CDKAL1: variants seen among roughly 807,000 people sequenced by gnomAD.
CDKAL1 encodes the protein CDKAL1 threonylcarbamoyladenosine tRNA methylthiotransferase.
Under a neutral mutation model 68.2 loss-of-function variants are expected in CDKAL1, and 32 were observed. The observed-to-expected ratio is 0.47, with a 90% CI of 0.35 to 0.63. The LOEUF (loss-of-function observed/expected upper bound fraction) is 0.63, where lower values mean the gene tolerates loss of function less well. Among genes scored for constraint, CDKAL1 ranks in the 30% least tolerant of loss-of-function variants. The pLI is 0.00. For synonymous variants in CDKAL1, 234 were observed against 244.3 expected (o/e 0.96, Z 0.39); for missense variants, 606 against 696.7 (o/e 0.87, Z 1.47).
chr6:20,992,031 C>CTTTTTTTTTTTTTTTTTTT (rs71530401), intron 10 of CDKAL1, among the ~76,000 whole-genome samples: 26 of 100,476 alleles, frequency 2.6e-4, no homozygotes, highest in Middle Eastern at 6.6e-3. Context: ...TTTTTCTTTT[C>CTTTTTTTTTTTTTTTTTTT]TTTTTTTTTT....
chr6:20,928,208 A>C (rs181522836), intron 9 of CDKAL1, among the ~76,000 whole-genome samples: 1 of 152,294 alleles, frequency 6.6e-6, no homozygotes, highest in East Asian at 1.9e-4. Context: ...GTATCATGGA[A>C]GGGGGAAGGT....
At chr6:20,612,594 T>C (rs1270604660) in intron 4 of CDKAL1, among the ~76,000 whole-genome samples, 1 of 152,058 alleles carries the variant, frequency 6.6e-6, no homozygotes, top group Non-Finnish European at 1.5e-5. Flanking sequence ...TGTTTCTTAA[T>C]TAGATTTTTT....
At chr6:21,180,211 C>T (rs946014901) in intron 13 of CDKAL1, among the ~76,000 whole-genome samples, 3 of 152,100 alleles carry the variant, frequency 2.0e-5, no homozygotes, top group Non-Finnish European at 4.4e-5. Flanking sequence ...TATGGTAATG[C>T]TTGTGTTCAT....
chr6:20,752,267 A>C (rs2150340853), intron 6 of CDKAL1, among the ~76,000 whole-genome samples: 2 of 151,544 alleles, frequency 1.3e-5, no homozygotes, highest in East Asian at 3.9e-4. Flanking sequence ...CAGTTTTGGC[A>C]GATCTTTCTT....
intron 4 of CDKAL1, among the ~76,000 whole-genome samples, chr6:20,594,069 A>G (rs188110027): frequency 2.6e-5 from 4 of 152,268 alleles, no homozygotes; most frequent in African/African-American, 9.6e-5. Flanking sequence ...GTTCTTTTGC[A>G]TTTGCTGAGG....
intron 12 of CDKAL1, among the ~76,000 whole-genome samples, chr6:21,079,976 C>CTCTGTGTGTGTG (rs1554171489): frequency 3.8e-4 from 52 of 135,840 alleles, no homozygotes; most frequent in African/African-American, 6.4e-4. Context: ...AACTTTGTCT[C>CTCTGTGTGTGTG]TGTGTGTGTG....
chr6:20,909,616 G>A (rs1174059620), intron 9 of CDKAL1, among the ~76,000 whole-genome samples: 1 of 152,034 alleles, frequency 6.6e-6, no homozygotes, highest in Non-Finnish European at 1.5e-5. Flanking sequence ...TATTTTTTCA[G>A]CGTTGGAAAC....
intron 9 of CDKAL1, among the ~76,000 whole-genome samples, chr6:20,854,821 A>T (rs1271417272): frequency 2.6e-5 from 4 of 152,230 alleles, no homozygotes; most frequent in Admixed American, 6.5e-5. Context: ...GTTTACAAAC[A>T]TGCAGTTAAG....
chr6:21,028,952 C>T (rs1769108726), intron 11 of CDKAL1, among the ~76,000 whole-genome samples: 1 of 152,128 alleles, frequency 6.6e-6, no homozygotes, highest in African/African-American at 2.4e-5. Context: ...TTCAAAGTCA[C>T]CAGGCATTAA....
At chr6:20,746,311 A>G (rs1052092432) in intron 6 of CDKAL1, among the ~76,000 whole-genome samples, 21 of 152,208 alleles carry the variant, frequency 1.4e-4, no homozygotes, top group African/African-American at 4.3e-4. Flanking sequence ...TGAAAGGGCT[A>G]TTTCTACCTT....
At chr6:21,113,571 C>G (rs1426401442) in intron 13 of CDKAL1, among the ~76,000 whole-genome samples, 1 of 152,070 alleles carries the variant, frequency 6.6e-6, no homozygotes, top group Admixed American at 6.6e-5. Flanking sequence ...GGCTTGATCT[C>G]AGCTCACCGC....
chr6:20,841,330 C>A (rs190772831), intron 8 of CDKAL1, among the ~76,000 whole-genome samples: 133 of 151,984 alleles, frequency 8.8e-4, no homozygotes, highest in Non-Finnish European at 1.6e-3. Flanking sequence ...CATTAGTCAC[C>A]TTTTTTCCCC....
At position 20,780,664 on chromosome 6, in the gene CDKAL1, CTTTTTCTTTTTT is replaced by C. The variant is rs1469477077; in HGVS notation, c.518-475_518-464del. On this transcript the variant is annotated intron_variant, in intron 7 of 15. Transcript: ENST00000274695. ...CTGTTTTTCTTGTTTTTTTTCATTT[CTTTTTCTTTTTT>C]TTTTTTTTTTTTTTTGAGATGGAGT... 6.9e-4 allele frequency among the ~76,000 whole-genome samples: 95 copies of C among 138,194 alleles called. 1 individual carries two copies. Among genetic ancestry groups the C allele is most frequent in the South Asian group, 1.1e-3 (5 of 4,420 alleles). 90.7% of individuals were successfully genotyped at this position (138,194 alleles called of 152,430 possible). A position where few individuals can be genotyped will look rare whatever the true frequency, so the allele number is the denominator to read the frequency against.
intron 4 of CDKAL1, among the ~76,000 whole-genome samples, chr6:20,592,524 A>G (rs1431079480): frequency 1.3e-5 from 2 of 148,820 alleles, no homozygotes; most frequent in Non-Finnish European, 3.0e-5. Context: ...GCTGGAGTGC[A>G]ATGGTGCAAT....
intron 12 of CDKAL1, among the ~76,000 whole-genome samples, chr6:21,091,972 C>T (rs1445073266): frequency 6.9e-6 from 1 of 144,072 alleles, no homozygotes; most frequent in South Asian, 2.2e-4. Flanking sequence ...CTGCAAGCTC[C>T]GCCTCCCGGG....
intron 5 of CDKAL1, among the ~76,000 whole-genome samples, chr6:20,684,389 C>G (rs1245430323): frequency 6.6e-6 from 1 of 152,184 alleles, no homozygotes; most frequent in South Asian, 2.1e-4. Flanking sequence ...TTGCAGTGAG[C>G]CAAGATCGTG....
At chr6:20,620,657 T>C (rs2127732503) in intron 4 of CDKAL1, among the ~76,000 whole-genome samples, 1 of 152,308 alleles carries the variant, frequency 6.6e-6, no homozygotes, top group South Asian at 2.1e-4. Context: ...CACACTTGTT[T>C]ACTGGGTCTA....
chr6:20,639,288 T>C (rs1229038816), intron 4 of CDKAL1, among the ~76,000 whole-genome samples: 2 of 152,184 alleles, frequency 1.3e-5, no homozygotes, highest in African/African-American at 4.8e-5. Flanking sequence ...ATATAAGTAA[T>C]CTCCGAGAAT....
chr6:20,753,432 G>A (rs185237671), intron 6 of CDKAL1, among the ~76,000 whole-genome samples: 57 of 152,248 alleles, frequency 3.7e-4, no homozygotes, highest in African/African-American at 1.3e-3. Context: ...TATATGTTTA[G>A]ATTCTTACCA....
Sources: gnomAD v4.1 joint callset for allele counts (sites outside exome capture counted in the v4.1 genomes callset) on GRCh38, gnomAD v4.1.1 for gene constraint, MANE v1.5 for transcripts, NCBI Gene and HGNC (gene_info 2026-07-23, HGNC 2026-07-21) for gene names.